STK3: variants seen among roughly 807,000 people sequenced by gnomAD.
The protein encoded by STK3 is serine/threonine kinase 3, also known as serine/threonine-protein kinase 3.
Under a neutral mutation model 58.0 loss-of-function variants are expected in STK3, and 41 were observed. That is an observed-to-expected ratio of 0.71 (90% CI 0.55 to 0.92). The LOEUF (loss-of-function observed/expected upper bound fraction) is 0.92, where lower values mean the gene tolerates loss of function less well. Among genes scored for constraint, STK3 ranks in the 40% least tolerant of loss-of-function variants. The pLI, the probability that STK3 is intolerant of heterozygous loss-of-function variation, is 0.00. For missense variants in STK3, 479 were observed against 602.7 expected (o/e 0.79, Z 2.15); for synonymous variants, 170 against 191.0 (o/e 0.89, Z 0.91).
chr8:98,650,099 T>C (rs941914958), intron 6 of STK3, among the ~76,000 whole-genome samples: 3 of 152,230 alleles, frequency 2.0e-5, no homozygotes, highest in Non-Finnish European at 4.4e-5. Flanking sequence ...CCAAATTATG[T>C]TATTAAGTCT....
At chr8:98,861,575 T>C (rs964792235) in intron 3 of STK3, among the ~76,000 whole-genome samples, 11 of 152,046 alleles carry the variant, frequency 7.2e-5, no homozygotes, top group Non-Finnish European at 8.8e-5. Context: ...CTCGAACTCC[T>C]GAGCTTGGGC....
intron 7 of STK3, among the ~76,000 whole-genome samples, chr8:98,584,277 T>C: frequency 7.7e-6 from 1 of 129,154 alleles, no homozygotes. Context: ...GTCCCCAGAG[T>C]GTGATGTTCC....
chr8:98,893,718 G>A lies in STK3; in HGVS notation c.-78-9884C>T, dbSNP rs551139602. On this transcript the variant is annotated intron_variant, in intron 1 of 1. Coordinates refer to the STK3 transcript ENST00000519420. ...AGAAAGGTGGTTTTCCTCTGCATGG[G>A]TTGTACAGTGAAGTACCCGCACTTG... Among the ~76,000 whole-genome samples, 22 of 152,192 alleles carry A rather than the reference G, an allele frequency of 1.4e-4. 1 individual carries two copies. Among genetic ancestry groups the A allele is most frequent in the African/African-American group, 5.3e-4 (22 of 41,546 alleles).
At chr8:98,598,125 A>T in intron 6 of STK3, 10 of 985,392 alleles carry the variant, frequency 1.0e-5, no homozygotes, top group Non-Finnish European at 1.2e-5. Flanking sequence ...ATTATACTAG[A>T]TTGTCTAGAT....
downstream of STK3, chr8:98,371,323 C>T (rs1475054517): frequency 6.6e-6 from 1 of 152,180 alleles, no homozygotes; most frequent in Non-Finnish European, 1.5e-5. Flanking sequence ...TGTGTACTTC[C>T]CTGTACATAA....
chr8:98,533,124 T>C (rs1055898499), intron 9 of STK3, among the ~76,000 whole-genome samples: 1 of 152,192 alleles, frequency 6.6e-6, no homozygotes, highest in Non-Finnish European at 1.5e-5. Context: ...CTTGGGTTTT[T>C]CTACTTTTGT....
intron 6 of STK3, among the ~76,000 whole-genome samples, chr8:98,635,215 A>G (rs2130552051): frequency 6.6e-6 from 1 of 152,218 alleles, no homozygotes; most frequent in Middle Eastern, 3.4e-3. Context: ...TCTCAGCACT[A>G]TTGTTAAATG....
At chr8:98,507,240 G>A (rs1017367141) in intron 10 of STK3, among the ~76,000 whole-genome samples, 5 of 152,108 alleles carry the variant, frequency 3.3e-5, no homozygotes, top group Non-Finnish European at 5.9e-5. Context: ...ACACACAATC[G>A]TATATTTGGT....
upstream of STK3, among the ~76,000 whole-genome samples, chr8:98,389,849 G>A (rs1412321273): frequency 6.6e-6 from 1 of 151,512 alleles, no homozygotes; most frequent in African/African-American, 2.4e-5. Context: ...CTCCCCAAAT[G>A]AGCCAAAGCC....
rs1819458609 is a variant in STK3 at position 98,455,976 on chromosome 8, G to T, written c.1342C>A (p.Leu448Ile). ...DFLKNLSLEELQMRLKALDPM... is the reference protein window; with the variant it reads ...DFLKNLSLEEIQMRLKALDPM... ...TCCAGTGCTTTTAACCGCATCTGTA[G>T]TTCTTCTAAACTTAGATTTTTCAAC... The change falls in exon 11 of 11, where the codon CTA (leucine) becomes ATA (isoleucine). Residue 448 changes from leucine (L) to isoleucine (I), a missense_variant. By Grantham distance (5) the Leu-to-Ile change is conservative (BLOSUM62 2). Transcript: ENST00000419617. The T allele has an allele frequency of 6.2e-7, 1 of 1,610,790 alleles. No homozygotes were observed. The highest frequency in any genetic ancestry group is 8.5e-7 in the Non-Finnish European group (1 of 1,178,496).
intron 6 of STK3, among the ~76,000 whole-genome samples, chr8:98,676,323 A>G (rs1587262493): frequency 6.6e-6 from 1 of 152,192 alleles, no homozygotes; most frequent in Non-Finnish European, 1.5e-5. Context: ...ATTTAATGCC[A>G]CTTAAAAACA....
Position 98,934,372 on chromosome 8 carries a change from T to G in STK3, c.-79+8006A>C, listed in dbSNP as rs180808184. On this transcript the variant is annotated intron_variant, in intron 1 of 1. Coordinates refer to the STK3 transcript ENST00000519420. ...CTTCCCCAACAATCCCCAGCCAGGT[T>G]CCTGAAACCTCTCTTTTCCAAGTCC... Among the ~76,000 whole-genome samples, 207 of 152,320 alleles carry G rather than the reference T, an allele frequency of 1.4e-3. 1 individual carries two copies. Among genetic ancestry groups the G allele is most frequent in the Non-Finnish European group, 1.1e-3 (73 of 68,024 alleles).
chr8:98,424,600 G>A (rs928180912), intron 3 of STK3, among the ~76,000 whole-genome samples: 2 of 152,170 alleles, frequency 1.3e-5, no homozygotes, highest in Non-Finnish European at 2.9e-5. Flanking sequence ...AGAAGGCAGA[G>A]GGCTCTCTCT....
intron 6 of STK3, among the ~76,000 whole-genome samples, chr8:98,701,116 G>C (rs1825566916): frequency 6.6e-6 from 1 of 150,682 alleles, no homozygotes; most frequent in East Asian, 2.0e-4. Flanking sequence ...GCTGCAGTGA[G>C]CTGTGATTGT....
intron 1 of STK3, among the ~76,000 whole-genome samples, chr8:98,925,196 C>T (rs1488408573): frequency 6.6e-6 from 1 of 152,186 alleles, no homozygotes; most frequent in Non-Finnish European, 1.5e-5. Context: ...GCAGGGCTGC[C>T]ATTGGTCTCC....
At chr8:98,457,905 G>A (rs1364928037) in intron 10 of STK3, among the ~76,000 whole-genome samples, 1 of 152,104 alleles carries the variant, frequency 6.6e-6, no homozygotes, top group African/African-American at 2.4e-5. Context: ...CTCAGAAAAA[G>A]AAGCTACTTA....
At chr8:98,716,891 A>T (rs1397717278) in intron 4 of STK3, among the ~76,000 whole-genome samples, 1 of 152,182 alleles carries the variant, frequency 6.6e-6, no homozygotes, top group Non-Finnish European at 1.5e-5. Flanking sequence ...AATTATTTTC[A>T]ACAAGAGTGT....
intron 7 of STK3, among the ~76,000 whole-genome samples, chr8:98,588,021 C>A (rs1421770668): frequency 6.6e-6 from 1 of 152,164 alleles, no homozygotes; most frequent in African/African-American, 2.4e-5. Context: ...TTCCTCAATA[C>A]AGCACACTGA....
At chr8:98,869,032 AAGGAAGGAAGGAAGG>A (rs1587775662) in intron 3 of STK3, among the ~76,000 whole-genome samples, 1 of 94,102 alleles carries the variant, frequency 1.1e-5, no homozygotes, top group East Asian at 6.0e-4. Context: ...AGAAGGAAGG[AAGGAAGGAAGGAAGG>A]AAGGAAGGAA....
Sources: allele counts gnomAD v4.1 joint callset (sites outside exome capture counted in the v4.1 genomes callset), GRCh38; gene constraint gnomAD v4.1.1; transcripts MANE v1.5; gene names NCBI Gene and HGNC (gene_info 2026-07-23, HGNC 2026-07-21).